Variants in TEC observed in about 807,000 individuals in gnomAD.
TEC encodes tec protein tyrosine kinase.
A neutral mutation model predicts 93.0 loss-of-function variants in TEC; 72 were observed. That is an observed-to-expected ratio of 0.77 (90% CI 0.64 to 0.94). The LOEUF is 0.94. Among genes scored for constraint, TEC ranks in the 40% least tolerant of loss-of-function variants. The probability of loss-of-function intolerance (pLI) is 0.00; values close to 1 mark genes in which losing one functional copy is unlikely to be tolerated. For synonymous variants in TEC, 249 were observed against 247.7 expected (o/e 1.01, Z -0.05); for missense variants, 630 against 757.9 (o/e 0.83, Z 1.98).
intron 2 of TEC, among the ~76,000 whole-genome samples, chr4:48,189,602 TG>T (rs1436696060): frequency 6.6e-6 from 1 of 152,200 alleles, no homozygotes; most frequent in Non-Finnish European, 1.5e-5. Context: ...GAATGGTGCA[TG>T]GGGAAATGTC....
intron 2 of TEC, among the ~76,000 whole-genome samples, chr4:48,184,947 T>C (rs1334017199): frequency 6.6e-6 from 1 of 152,222 alleles, no homozygotes; most frequent in Non-Finnish European, 1.5e-5. Flanking sequence ...ATTTAGTTTG[T>C]GAACTTGGTT....
intron 1 of TEC, among the ~76,000 whole-genome samples, chr4:48,251,114 C>T (rs1229971054): frequency 6.6e-6 from 1 of 152,302 alleles, no homozygotes; most frequent in Admixed American, 6.5e-5. Flanking sequence ...AATCCTCCAA[C>T]GCCTACCCAA....
intron 2 of TEC, 133 bp from the exon 3 acceptor site, chr4:48,176,319 C>T (rs1019578522): frequency 1.6e-6 from 1 of 635,580 alleles, no homozygotes; most frequent in Admixed American, 2.8e-5. Context: ...ATGTTTCCCA[C>T]TAACTGCTAA....
chr4:48,210,544 G>A (rs1722871074), intron 2 of TEC, among the ~76,000 whole-genome samples: 1 of 151,556 alleles, frequency 6.6e-6, no homozygotes, highest in Non-Finnish European at 1.5e-5. Flanking sequence ...GAGGAAGAGG[G>A]AGGAAAGAAA....
At chr4:48,242,954 G>A (rs776606894) in intron 1 of TEC, among the ~76,000 whole-genome samples, 1 of 152,184 alleles carries the variant, frequency 6.6e-6, no homozygotes, top group African/African-American at 2.4e-5. Context: ...GGCTGAGGCT[G>A]ATGAGCTCTA....
At chr4:48,158,326 G>A (rs1483429202) in intron 8 of TEC, among the ~76,000 whole-genome samples, 4 of 152,190 alleles carry the variant, frequency 2.6e-5, no homozygotes, top group African/African-American at 4.8e-5. Context: ...ATTTGGAATC[G>A]GAGGTGTTGA....
chr4:48,247,029 G>T (rs957506195), intron 1 of TEC, among the ~76,000 whole-genome samples: 2 of 152,058 alleles, frequency 1.3e-5, no homozygotes, highest in African/African-American at 4.8e-5. Context: ...AATATATAAA[G>T]AACACTTACC....
intron 2 of TEC, among the ~76,000 whole-genome samples, chr4:48,179,395 TTTTTTC>T (rs1721495500): frequency 1.6e-5 from 2 of 127,006 alleles, no homozygotes; most frequent in African/African-American, 6.0e-5. Context: ...TTTTTTTTTT[TTTTTTC>T]AAGACAGAGT....
At chr4:48,205,808 C>T (rs1722697112) in intron 2 of TEC, among the ~76,000 whole-genome samples, 1 of 152,192 alleles carries the variant, frequency 6.6e-6, no homozygotes, top group African/African-American at 2.4e-5. Context: ...AAAGGTTAAA[C>T]ATACTCAAAG....
At chr4:48,211,029 T>C (rs1236778527) in intron 2 of TEC, among the ~76,000 whole-genome samples, 2 of 152,170 alleles carry the variant, frequency 1.3e-5, no homozygotes, top group African/African-American at 4.8e-5. Context: ...AAAACTCCTA[T>C]GAGGGAAGTA....
chr4:48,198,543 T>C (rs1722382075), intron 2 of TEC, among the ~76,000 whole-genome samples: 1 of 152,228 alleles, frequency 6.6e-6, no homozygotes, highest in Non-Finnish European at 1.5e-5. Context: ...TCTTTACAAT[T>C]TACCAATTTA....
intron 2 of TEC, among the ~76,000 whole-genome samples, chr4:48,193,781 T>TTTTG (rs955963929): frequency 4.6e-5 from 7 of 151,818 alleles, no homozygotes; most frequent in African/African-American, 1.7e-4. Flanking sequence ...GTTAGGGTTT[T>TTTTG]TTTTTTAATG....
intron 2 of TEC, among the ~76,000 whole-genome samples, chr4:48,222,900 A>G (rs74478906): frequency 0.054 from 8,176 of 152,068 alleles, 756 homozygotes; most frequent in African/African-American, 0.19. Flanking sequence ...ATGTACATAC[A>G]TACACACACA....
intron 2 of TEC, among the ~76,000 whole-genome samples, chr4:48,218,417 G>A (rs970478486): frequency 1.3e-5 from 2 of 152,154 alleles, no homozygotes; most frequent in Non-Finnish European, 2.9e-5. Flanking sequence ...CCACAGGCCT[G>A]AGCCACCACA....
At chr4:48,241,430 T>TGA (rs1186723021) in intron 1 of TEC, among the ~76,000 whole-genome samples, 1 of 152,182 alleles carries the variant, frequency 6.6e-6, no homozygotes, top group Non-Finnish European at 1.5e-5. Flanking sequence ...GCCACCATAC[T>TGA]GAGAAAAGCT....
intron 8 of TEC, among the ~76,000 whole-genome samples, chr4:48,162,232 A>G (rs1720699837): frequency 6.6e-6 from 1 of 152,196 alleles, no homozygotes; most frequent in Non-Finnish European, 1.5e-5. Flanking sequence ...GGCCATGTGG[A>G]TTCCCTGGCC....
In TEC at chr4:48,228,482, C is replaced by T. The variant is rs1723548067; in HGVS notation, c.133G>A (p.Ala45Thr). ...AAATCGTGATTGTCTCTTACCTCTGCTCGACCCTCATAGTAGGTTAGCATG... is the reference window on the plus strand; with the variant it reads ...AAATCGTGATTGTCTCTTACCTCTGTTCGACCCTCATAGTAGGTTAGCATG... ...KSMLTYYEGR[A>T]EKKYRKGFID... Residue 45 changes from alanine to threonine, a missense_variant, in exon 2 of 18, where the codon GCA becomes ACA. This residue lies in a region of TEC where 335 missense variants were observed against 351.5 expected (regional missense o/e 0.95). Transcript: ENST00000381501. 6.2e-7 allele frequency: 1 copy of T among 1,601,744 alleles called. No individual in the cohort carries two copies. The highest frequency in any genetic ancestry group is 1.3e-5 in the African/African-American group (1 of 74,244).
chr4:48,153,781 T>C (rs534886847), intron 9 of TEC, among the ~76,000 whole-genome samples: 1 of 152,018 alleles, frequency 6.6e-6, no homozygotes, highest in East Asian at 1.9e-4. Flanking sequence ...CAGAAAAAAA[T>C]GAGTGACATT....
At chr4:48,158,897 T>C (rs922532585) in intron 8 of TEC, among the ~76,000 whole-genome samples, 1 of 152,192 alleles carries the variant, frequency 6.6e-6, no homozygotes, top group Admixed American at 6.5e-5. Context: ...GAAAGGATGT[T>C]CCCTGGAAAG....
Sources: gnomAD v4.1 joint callset for allele counts (sites outside exome capture counted in the v4.1 genomes callset) on GRCh38, gnomAD v4.1.1 for gene constraint, gnomAD v4.1.1 regional missense constraint, MANE v1.5 for transcripts, NCBI Gene and HGNC (gene_info 2026-07-23, HGNC 2026-07-21) for gene names.